Variants in COL4A5 observed in about 807,000 individuals in gnomAD.
The protein encoded by COL4A5 is collagen alpha-5(IV) chain.
COL4A5 carries 26 observed loss-of-function variants against 130.2 expected under a neutral mutation model. The ratio of observed to expected loss-of-function variants is 0.20; its 90% CI spans 0.15 to 0.28. The LOEUF (loss-of-function observed/expected upper bound fraction) is 0.28. COL4A5 is among the 10% of genes least tolerant of loss of function. The pLI, the probability that COL4A5 is intolerant of heterozygous loss-of-function variation, is 1.00. For missense variants in COL4A5, 1,131 were observed against 1,344.3 expected (o/e 0.84, Z 2.48); for synonymous variants, 496 against 439.6 (o/e 1.13, Z -1.60).
intron 28 of COL4A5, among the ~76,000 whole-genome samples, chrX:108,605,082 C>T (rs2066706535): frequency 6.2e-5 from 7 of 112,255 alleles, no homozygotes; most frequent in Admixed American, 5.7e-4. Context: ...TCTTCTCATT[C>T]GTGTGTTCAC....
intron 1 of COL4A5, among the ~76,000 whole-genome samples, chrX:108,519,783 C>A: frequency 9.0e-6 from 1 of 110,866 alleles, no homozygotes; most frequent in Admixed American, 9.6e-5. Flanking sequence ...ACTTTCCTCA[C>A]TTTTTCCCTG....
chrX:108,607,483 C>G (rs766781849), intron 29 of COL4A5, among the ~76,000 whole-genome samples: 1 of 87,868 alleles, frequency 1.1e-5, no homozygotes, highest in African/African-American at 4.1e-5. Context: ...TTCTTCCCCC[C>G]ACCCTCCCCC....
chrX:108,614,191 C>T (rs111981207), intron 29 of COL4A5, among the ~76,000 whole-genome samples: 131 of 112,075 alleles, frequency 1.2e-3, no homozygotes, highest in African/African-American at 3.8e-3. Flanking sequence ...TATATGATTG[C>T]ATTTGTATGA....
chrX:108,559,547 G>T (rs1484534451), intron 3 of COL4A5, among the ~76,000 whole-genome samples: 2 of 111,548 alleles, frequency 1.8e-5, no homozygotes, highest in Non-Finnish European at 3.8e-5. Context: ...TTAAACTGGA[G>T]AAAGTGCTGA....
At chrX:108,452,499 A>G (rs371798182) in intron 1 of COL4A5, among the ~76,000 whole-genome samples, 1 of 111,334 alleles carries the variant, frequency 9.0e-6, no homozygotes, top group African/African-American at 3.3e-5. Context: ...CTTTTATTTC[A>G]TTGAGCAGTG....
At chrX:108,471,299 G>T (rs1170057093) in intron 1 of COL4A5, among the ~76,000 whole-genome samples, 1 of 111,908 alleles carries the variant, frequency 8.9e-6, no homozygotes, top group African/African-American at 3.2e-5. Flanking sequence ...TTTTCCATTT[G>T]TTTCTATCAT....
chrX:108,691,338 T>C (rs1255298905), intron 49 of COL4A5, among the ~76,000 whole-genome samples: 1 of 111,428 alleles, frequency 9.0e-6, no homozygotes, highest in African/African-American at 3.3e-5. Flanking sequence ...CTATGGATTA[T>C]ATACATAAAA....
intron 1 of COL4A5, among the ~76,000 whole-genome samples, chrX:108,495,949 A>G (rs1408590226): frequency 8.9e-6 from 1 of 112,331 alleles, no homozygotes; most frequent in Non-Finnish European, 1.9e-5. Flanking sequence ...ATGAGGCAAC[A>G]TTGCCTGGAG....
chrX:108,608,504 T>C (rs1446712595), intron 29 of COL4A5, among the ~76,000 whole-genome samples: 2 of 111,317 alleles, frequency 1.8e-5, no homozygotes, highest in African/African-American at 6.5e-5. Flanking sequence ...ACAAATACTA[T>C]ATACTATTTG....
At chrX:108,489,897 G>T (rs972173447) in intron 1 of COL4A5, among the ~76,000 whole-genome samples, 1 of 111,899 alleles carries the variant, frequency 8.9e-6, no homozygotes, top group Non-Finnish European at 1.9e-5. Context: ...AATTTAGAAG[G>T]TTCTATAGCA....
chrX:108,610,094 A>AT (rs1002324546), intron 29 of COL4A5, among the ~76,000 whole-genome samples: 10 of 108,368 alleles, frequency 9.2e-5, no homozygotes, highest in African/African-American at 1.3e-4. Flanking sequence ...TAAGGGCCAT[A>AT]TTTTTTTTTC....
chrX:108,451,343 C>T (rs1200639371), intron 1 of COL4A5, among the ~76,000 whole-genome samples: 2 of 110,877 alleles, frequency 1.8e-5, no homozygotes, highest in African/African-American at 6.6e-5. Context: ...GATTTATAGT[C>T]CTTTGGGTAT....
intron 28 of COL4A5, among the ~76,000 whole-genome samples, chrX:108,606,040 G>A (rs747940745): frequency 1.3e-4 from 14 of 111,453 alleles, no homozygotes; most frequent in South Asian, 3.8e-4. Flanking sequence ...TTATCTCTGC[G>A]TCATTGATTT....
intron 1 of COL4A5, among the ~76,000 whole-genome samples, chrX:108,493,362 A>C (rs183098551): frequency 9.0e-6 from 1 of 111,613 alleles, no homozygotes; most frequent in Non-Finnish European, 1.9e-5. Flanking sequence ...AGGAAAAATG[A>C]ATGATGTCAA....
chrX:108,691,841 A>T (rs2147997058), intron 49 of COL4A5, among the ~76,000 whole-genome samples: 1 of 111,871 alleles, frequency 8.9e-6, no homozygotes, highest in African/African-American at 3.2e-5. Flanking sequence ...TAAAAGAGTG[A>T]TATAAAAGTT....
chrX:108,473,633 A>ATATATATATATATATATTTTT lies in COL4A5; in HGVS notation c.81+33428_81+33429insATATATATATATATATTTTTT. Among the ~76,000 whole-genome samples, 50 of 34,548 alleles carry ATATATATATATATATATTTTT rather than the reference A, an allele frequency of 1.4e-3. 4 individuals are homozygous for ATATATATATATATATATTTTT. The highest frequency in any genetic ancestry group is 1.8e-3 in the Non-Finnish European group (29 of 16,537). 30.0% of individuals were successfully genotyped at this position (34,548 alleles called of 115,157 possible). A position where few individuals can be genotyped will look rare whatever the true frequency, so the allele number is the denominator to read the frequency against. The stretch of plus-strand genomic sequence containing the variant: ...TATATGTATATATATATATATATAT[A>ATATATATATATATATATTTTT]TTTTTTTTTTTTTGAGATGAAGTCT... On this transcript the variant is annotated intron_variant, in intron 1 of 52. Coordinates refer to ENST00000328300, the MANE Select transcript of COL4A5 (RefSeq NM_033380.3).
intron 36 of COL4A5, among the ~76,000 whole-genome samples, chrX:108,639,156 C>T (rs1730570391): frequency 9.0e-6 from 1 of 110,949 alleles, no homozygotes; most frequent in Non-Finnish European, 1.9e-5. Flanking sequence ...AAACATATTA[C>T]AAAGTTATAG....
chrX:108,663,359 A>G (rs979930145), intron 37 of COL4A5, among the ~76,000 whole-genome samples: 1 of 112,118 alleles, frequency 8.9e-6, no homozygotes. Flanking sequence ...ACTGAAAACT[A>G]TAAAACCTGC....
chrX:108,441,426 C>T (rs1179339541), intron 1 of COL4A5, among the ~76,000 whole-genome samples: 1 of 111,931 alleles, frequency 8.9e-6, no homozygotes, highest in Non-Finnish European at 1.9e-5. Context: ...CTTAGCATGC[C>T]TCAAATCACA....
Sources: gnomAD v4.1 joint callset for allele counts (sites outside exome capture counted in the v4.1 genomes callset) on GRCh38, gnomAD v4.1.1 for gene constraint, MANE v1.5 for transcripts, NCBI Gene and HGNC (gene_info 2026-07-23, HGNC 2026-07-21) for gene names.